Variants in CHID1 observed in about 807,000 individuals in gnomAD.
The protein encoded by CHID1 is chitinase domain containing 1.
A neutral mutation model predicts 55.4 loss-of-function variants in CHID1; 44 were observed. The ratio of observed to expected loss-of-function variants is 0.79; its 90% confidence interval spans 0.62 to 1.02. The LOEUF (loss-of-function observed/expected upper bound fraction) is 1.02, where lower values mean the gene tolerates loss of function less well. Among genes scored for constraint, CHID1 ranks in the 50% least tolerant of loss-of-function variants. The probability of loss-of-function intolerance (pLI) is 0.00; values close to 1 mark genes in which losing one functional copy is unlikely to be tolerated. For synonymous variants in CHID1, 216 were observed against 212.9 expected (o/e 1.01, Z -0.13); for missense variants, 491 against 515.3 (o/e 0.95, Z 0.46).
rs893196415 is a variant in CHID1, at chr11:875,261, G to A, written c.960-4762C>T. 2.0e-5 allele frequency among the ~76,000 whole-genome samples: 3 copies of A among 152,212 alleles called. No homozygotes were observed. Among genetic ancestry groups the A allele is most frequent in the Non-Finnish European group, 4.4e-5 (3 of 68,032 alleles). On this transcript the variant is annotated intron_variant, in intron 10 of 12. Transcript: ENST00000323578. The surrounding 1 kb of genome is among the most constrained non-coding windows in gnomAD (Gnocchi z 4.7). ...GCCTCTCAGAGCTTGAGTTCAACCA[G>A]ACAGCCCTCCTCGGTGGGTGGCCAT...
At chr11:912,599 C>T (rs539964102), upstream of CHID1, among the ~76,000 whole-genome samples, 1 of 152,306 alleles carries the variant, frequency 6.6e-6, no homozygotes, top group Non-Finnish European at 1.5e-5. Flanking sequence ...AATCCCAGCA[C>T]TTTGGGAGGC....
chr11:908,439 T>G (rs1001752036), intron 1 of CHID1: 1 of 297,062 alleles, frequency 3.4e-6, no homozygotes, highest in East Asian at 1.7e-4. Context: ...AGCCCCACTA[T>G]CTTTCTGCTG....
intron 10 of CHID1, among the ~76,000 whole-genome samples, chr11:878,704 CTTT>C (rs910751352): frequency 6.7e-6 from 1 of 149,178 alleles, no homozygotes; most frequent in African/African-American, 2.5e-5. Context: ...CTTTTTTATT[CTTT>C]TTTTTTTAAT....
At chr11:901,459 T>G (rs560405144) in intron 4 of CHID1, among the ~76,000 whole-genome samples, 1 of 152,334 alleles carries the variant, frequency 6.6e-6, no homozygotes, top group East Asian at 1.9e-4. Flanking sequence ...CATTTCTCTC[T>G]GTCCGAGCCC....
Position 900,158 on chromosome 11 carries a change from G to A in CHID1, c.440-48C>T, listed in dbSNP as rs559546591. The A allele has an allele frequency of 3.6e-5, 53 of 1,466,920 alleles. No homozygotes were observed. In the East Asian group the frequency reaches 1.1e-3, roughly 31 times the overall value. 90.9% of individuals were successfully genotyped at this position (1,466,920 alleles called of 1,614,324 possible). A position where few individuals can be genotyped will look rare whatever the true frequency, so the allele number is the denominator to read the frequency against. Reference sequence around the variant, plus strand: ...CGGGGGCCGTGACTGGGAGATGCTGGAGGGCCCCTGCTGTTTGCTGCCTCA... The same window carrying A: ...CGGGGGCCGTGACTGGGAGATGCTGAAGGGCCCCTGCTGTTTGCTGCCTCA... On this transcript the variant is annotated intron_variant, in intron 5 of 12. Transcript: ENST00000323578.
chr11:900,536 T>C (rs1242277665), intron 5 of CHID1, among the ~76,000 whole-genome samples: 2 of 152,166 alleles, frequency 1.3e-5, no homozygotes, highest in African/African-American at 4.8e-5. Context: ...TGGGGACACA[T>C]GTCCCCCCTT....
Position 870,165 on chromosome 11 carries a change from T to C in CHID1, c.1041-2A>G. On this transcript the variant is annotated splice_acceptor_variant, in intron 11 of 12. Coordinates refer to ENST00000323578, the MANE Select transcript of CHID1 (RefSeq NM_023947.4). LOFTEE classifies it high-confidence loss of function. ...ACGACGTGCCTCCCACTGCGGCTCCTGCAAGACAAAGGGACTGTCAGCCCA... is the reference window on the plus strand; with the variant it reads ...ACGACGTGCCTCCCACTGCGGCTCCCGCAAGACAAAGGGACTGTCAGCCCA... The C allele has an allele frequency of 3.1e-6, 5 of 1,613,144 alleles. No homozygotes were observed. Among genetic ancestry groups the C allele is most frequent in the Non-Finnish European group, 4.2e-6 (5 of 1,179,964 alleles).
intron 12 of CHID1, 66 bp downstream of exon 12, chr11:870,055 C>T (rs1385889281): frequency 1.9e-6 from 3 of 1,608,824 alleles, no homozygotes; most frequent in African/African-American, 2.7e-5. Context: ...GGACCCCAGG[C>T]CAGTGCCTGC....
intron 1 of CHID1, 61 bp downstream of exon 1, chr11:910,714 C>A: frequency 8.0e-7 from 1 of 1,253,758 alleles, no homozygotes; most frequent in Admixed American, 2.5e-5. Flanking sequence ...GCCCACTTTG[C>A]GGGAGGGAAA....
chr11:887,381 G>A (rs1295308610), intron 8 of CHID1, among the ~76,000 whole-genome samples: 2 of 152,174 alleles, frequency 1.3e-5, no homozygotes, highest in African/African-American at 4.8e-5. Context: ...AGCTCTCTCA[G>A]GTGGTCATGT....
intron 10 of CHID1, chr11:874,737 T>TGA (rs1335709489): frequency 6.6e-6 from 1 of 152,234 alleles, no homozygotes; most frequent in Non-Finnish European, 1.5e-5. Flanking sequence ...ATTACAGGCG[T>TGA]GAGTCACCAC....
rs200243605 is a variant in CHID1, at chr11:869,959, G to A, written c.1084-3C>T. 647 of 1,612,666 alleles carry A rather than the reference G, an allele frequency of 4.0e-4. 8 individuals are homozygous for A. In the South Asian group the frequency reaches 6.2e-3, roughly 15 times the overall value. Reference sequence around the variant, plus strand: ...AGCTCCAGCCGCACCTGCAGGGACTGGGCACAGATGGAGGTGTGAGCACCT... The same window carrying A: ...AGCTCCAGCCGCACCTGCAGGGACTAGGCACAGATGGAGGTGTGAGCACCT... On this transcript the variant is annotated splice_region_variant and splice_polypyrimidine_tract_variant and intron_variant, in intron 12 of 12. Transcript: ENST00000323578.
intron 8 of CHID1, among the ~76,000 whole-genome samples, chr11:890,211 G>A (rs918369693): frequency 1.5e-4 from 23 of 152,216 alleles, no homozygotes; most frequent in Admixed American, 1.2e-3. Context: ...CACACCGCAC[G>A]GGGTGCCTAC....
At chr11:883,668 G>A (rs557069877) in intron 9 of CHID1, among the ~76,000 whole-genome samples, 107 of 152,390 alleles carry the variant, frequency 7.0e-4, no homozygotes, top group Non-Finnish European at 1.2e-3. Context: ...GCAGGAGTCC[G>A]CATGACACAG....
chr11:880,955 G>C (rs1284220013), intron 10 of CHID1, among the ~76,000 whole-genome samples: 2 of 152,214 alleles, frequency 1.3e-5, no homozygotes, highest in African/African-American at 4.8e-5. Context: ...GCATCAACCC[G>C]AGAGTACCAG....
Position 868,956 on chromosome 11 carries a change from G to A in CHID1, c.*902C>T, listed in dbSNP as rs537384488. 5.9e-5 allele frequency: 9 copies of A among 152,290 alleles called. No individual in the cohort carries two copies. Among genetic ancestry groups the A allele is most frequent in the South Asian group, 2.1e-4 (1 of 4,818 alleles). The allele number at this position is 152,290 out of a possible 1,614,324, so 9.4% of individuals were successfully genotyped here. On this transcript the variant is annotated 3_prime_UTR_variant, in exon 13 of 13. Coordinates refer to ENST00000323578, the MANE Select transcript of CHID1 (RefSeq NM_023947.4). ...CAGTGGTGAGGAGGGGAGTCCTCAC[G>A]GCCAGCCAAGGACAGGATGGTGACG... is the stretch of plus-strand genomic sequence containing the variant.
chr11:884,360 G>A (rs1850239969), intron 8 of CHID1, among the ~76,000 whole-genome samples, 191 bp from the exon 9 acceptor site: 1 of 152,178 alleles, frequency 6.6e-6, no homozygotes, highest in African/African-American at 2.4e-5. Flanking sequence ...GACACAGGGG[G>A]ATGTGGTCAT....
chr11:870,646 G>A, intron 10 of CHID1, 147 bp from the exon 11 acceptor site: 1 of 625,630 alleles, frequency 1.6e-6, no homozygotes, highest in Non-Finnish European at 2.9e-6. Flanking sequence ...CACCTGGTGG[G>A]GTGGCCAGAG....
intron 8 of CHID1, 131 bp from the exon 9 acceptor site, chr11:884,300 G>A (rs1339388755): frequency 2.4e-5 from 16 of 653,698 alleles, no homozygotes; most frequent in African/African-American, 1.1e-4. Flanking sequence ...TTCTTCTGGG[G>A]TGGGGACAGC....
Sources: gnomAD v4.1 joint callset for allele counts (sites outside exome capture counted in the v4.1 genomes callset) on GRCh38, gnomAD v4.1.1 for gene constraint, Gnocchi (gnomAD v3.1) non-coding constraint, MANE v1.5 for transcripts, NCBI Gene and HGNC (gene_info 2026-07-23, HGNC 2026-07-21) for gene names.